Variants in NOS1 observed in about 807,000 individuals in gnomAD.
NOS1 encodes the protein NOS type I.
Under a neutral mutation model 164.5 loss-of-function variants are expected in NOS1, and 51 were observed. That is an observed-to-expected ratio of 0.31 (90% CI 0.25 to 0.39). The LOEUF is 0.39. Ranked by LOEUF, NOS1 falls within the 10% of genes least tolerant of loss-of-function variation. The pLI is 1.00. For missense variants in NOS1, 1,362 were observed against 1,885.6 expected, an observed-to-expected ratio of 0.72 and a Z score of 5.14; for synonymous variants, 719 against 745.8, an observed-to-expected ratio of 0.96 and a Z score of 0.59.
intron 1 of NOS1, among the ~76,000 whole-genome samples, chr12:117,354,370 C>T (rs1384843330): frequency 1.3e-5 from 2 of 152,072 alleles, no homozygotes; most frequent in Admixed American, 1.3e-4. Flanking sequence ...ATATTAGAAG[C>T]AAAATGATAA....
intron 1 of NOS1, among the ~76,000 whole-genome samples, chr12:117,352,989 G>A (rs1876693715): frequency 1.3e-5 from 2 of 152,004 alleles, no homozygotes; most frequent in African/African-American, 4.8e-5. Flanking sequence ...CTACCTACTT[G>A]TCTTTCTCTA....
At chr12:117,353,064 C>CTACCTATCTACCTACT (rs1876700320) in intron 1 of NOS1, among the ~76,000 whole-genome samples, 2 of 152,240 alleles carry the variant, frequency 1.3e-5, no homozygotes, top group East Asian at 3.9e-4. Flanking sequence ...ACCCACCTAC[C>CTACCTATCTACCTACT]TACCTATCTA....
chr12:117,247,112 T>G (rs2291909), intron 18 of NOS1, among the ~76,000 whole-genome samples: 5,002 of 152,200 alleles, frequency 0.033, 241 homozygotes, highest in African/African-American at 0.11. Flanking sequence ...TCTATATAAT[T>G]TTTTTTATGG....
At chr12:117,318,482 T>C (rs1390827705) in intron 2 of NOS1, among the ~76,000 whole-genome samples, 1 of 152,224 alleles carries the variant, frequency 6.6e-6, no homozygotes, top group African/African-American at 2.4e-5. Flanking sequence ...AACCCTTTTT[T>C]CTTCCACTTC....
rs755981500 is a variant in NOS1, at chr12:117,232,096, G to C, written c.3271C>G (p.Pro1091Ala). The change falls in exon 22 of 29, where the codon CCG (proline) becomes GCG (alanine). Residue 1091 changes from proline to alanine, a missense_variant. Transcript: ENST00000317775. ...AAGGCCTGGAAGATGGTGCAGGGCG[G>C]GAGGCGGAGCTCGTCTGTCCAGTTA... is the stretch of plus-strand genomic sequence containing the variant. ...ISNWTDELRL[P>A]PCTIFQAFKY... 3 of 1,612,104 alleles carry C rather than the reference G, an allele frequency of 1.9e-6. No homozygotes were observed. The highest frequency in any genetic ancestry group is 2.5e-6 in the Non-Finnish European group (3 of 1,179,934).
chr12:117,331,174 G>T lies in NOS1; in HGVS notation c.-105C>A, dbSNP rs1385214483. On this transcript the variant is annotated 5_prime_UTR_variant, in exon 2 of 29. Transcript: ENST00000317775. ...GCTTCAGGCTACACGGAGAGCAGGA[G>T]CCGGGGTGACAGGTGCTGACAAGGC... is the stretch of plus-strand genomic sequence containing the variant. The T allele has an allele frequency of 2.8e-6, 4 of 1,423,538 alleles. No individual in the cohort carries two copies. The highest frequency in any genetic ancestry group is 2.8e-6 in the Non-Finnish European group (3 of 1,054,002). 88.2% of individuals were successfully genotyped at this position (1,423,538 alleles called of 1,614,324 possible).
intron 13 of NOS1, among the ~76,000 whole-genome samples, chr12:117,263,000 CATT>C (rs1344627474): frequency 6.6e-6 from 1 of 152,144 alleles, no homozygotes; most frequent in Non-Finnish European, 1.5e-5. Flanking sequence ...CTCCGTGAAC[CATT>C]ATTATTTCCA....
intron 13 of NOS1, 125 bp from the exon 14 acceptor site, chr12:117,260,734 T>C: frequency 9.6e-7 from 1 of 1,045,636 alleles, no homozygotes; most frequent in Admixed American, 2.6e-5. Context: ...TCTTGATCTT[T>C]GATGGCTTCA....
chr12:117,288,075 T>A lies in NOS1; in HGVS notation c.1126A>T (p.Arg376Ter). 1 of 1,613,936 alleles carries A rather than the reference T, an allele frequency of 6.2e-7. No individual in the cohort carries two copies. The highest frequency in any genetic ancestry group is 1.1e-5 in the South Asian group (1 of 91,064). ...FIDQYYSSIK[R>*]FGSKAHMERL... ...TCCCCGGAATTGACACACACTTGCC[T>A]TTTAATTGATGAATAGTATTGATCA... The change falls in exon 5 of 29, where the codon AGA becomes TGA. Residue 376 changes from arginine to a stop codon, truncating the protein, a stop_gained and splice_region_variant. Coordinates refer to ENST00000317775, the MANE Select transcript of NOS1 (RefSeq NM_000620.5). LOFTEE classifies it high-confidence loss of function.
intron 20 of NOS1, among the ~76,000 whole-genome samples, chr12:117,241,298 T>C (rs1870157436): frequency 6.6e-6 from 1 of 152,010 alleles, no homozygotes; most frequent in East Asian, 2.0e-4. Context: ...TGGAATGTTT[T>C]TCACTTTGTA....
intron 16 of NOS1, chr12:117,256,101 G>C (rs539589846): frequency 1.2e-6 from 1 of 860,228 alleles, no homozygotes; most frequent in Non-Finnish European, 1.7e-6. Context: ...GAACCTGCTG[G>C]GAGGCCATCT....
intron 2 of NOS1, among the ~76,000 whole-genome samples, chr12:117,311,906 T>A (rs779632222): frequency 2.0e-5 from 3 of 152,156 alleles, no homozygotes; most frequent in Non-Finnish European, 4.4e-5. Context: ...CCCTTCTTCA[T>A]TCCATGGATC....
intron 2 of NOS1, among the ~76,000 whole-genome samples, chr12:117,326,105 G>C (rs115373479): frequency 0.024 from 3,632 of 149,040 alleles, 73 homozygotes; most frequent in African/African-American, 0.049. Flanking sequence ...GGGGGTGCTG[G>C]CCGGGCATGG....
chr12:117,215,710 G>C (rs945176087), intron 28 of NOS1, among the ~76,000 whole-genome samples: 1 of 152,102 alleles, frequency 6.6e-6, no homozygotes, highest in African/African-American at 2.4e-5. Context: ...TGGGATTGCA[G>C]GCGTGAGCCA....
At chr12:117,307,194 A>G (rs1261528854) in intron 3 of NOS1, among the ~76,000 whole-genome samples, 1 of 151,844 alleles carries the variant, frequency 6.6e-6, no homozygotes, top group Non-Finnish European at 1.5e-5. Context: ...CGAGATCTCA[A>G]GGATTACTGC....
Position 117,288,151 on chromosome 12 carries a change from A to C in NOS1, c.1050T>G (p.Pro350=), listed in dbSNP as rs768511607. ...GCTGTCCTTTTGTGCGGACGTCTTC[A>C]GGCCTCCTTGCATGCTGAGAAGGAT... ...IMHPSQHARR[P]EDVRTKGQLF... is the part of the protein sequence containing the mutation. Residue 350 remains proline (P), a synonymous_variant, in exon 5 of 29, where the codon CCT becomes CCG. Transcript: ENST00000317775. The C allele has an allele frequency of 1.2e-6, 2 of 1,614,162 alleles. No homozygotes were observed. Among genetic ancestry groups the C allele is most frequent in the Non-Finnish European group, 1.7e-6 (2 of 1,180,008 alleles).
intron 21 of NOS1, 29 bp from the exon 22 acceptor site, chr12:117,232,160 G>T (rs752436273): frequency 1.2e-6 from 2 of 1,608,280 alleles, no homozygotes; most frequent in African/African-American, 1.3e-5. Context: ...GGTGACAGGT[G>T]GGTGTGGGAG....
chr12:117,256,284 G>GT lies in NOS1; in HGVS notation c.2531+2112dup, dbSNP rs57047376. Among the ~76,000 whole-genome samples, 268 of 118,310 alleles carry GT rather than the reference G, an allele frequency of 2.3e-3. 6 individuals are homozygous for GT. Among genetic ancestry groups the GT allele is most frequent in the Non-Finnish European group, 2.7e-3 (165 of 61,672 alleles). The allele number at this position is 118,310 out of a possible 152,430, so 77.6% of individuals were successfully genotyped here. On this transcript the variant is annotated intron_variant, in intron 16 of 28. Transcript: ENST00000317775. ...CAAAGAAAATCAGAAGGGATTTTCT[G>GT]TTTTTTTTTTTTGAGACGGAGTCTC...
intron 22 of NOS1, 113 bp downstream of exon 22, chr12:117,231,849 C>T: frequency 8.7e-7 from 1 of 1,155,876 alleles, no homozygotes; most frequent in Non-Finnish European, 1.2e-6. Context: ...AATAATGGCC[C>T]CCTTGGCTCA....
Sources: allele counts gnomAD v4.1 joint callset (sites outside exome capture counted in the v4.1 genomes callset), GRCh38; gene constraint gnomAD v4.1.1; transcripts MANE v1.5; gene names NCBI Gene and HGNC (gene_info 2026-07-23, HGNC 2026-07-21).